The following MYO5B variants were observed in gnomAD, a reference collection of about 807,000 sequenced individuals.
The protein encoded by MYO5B is myosin VB.
A neutral mutation model predicts 229.3 loss-of-function variants in MYO5B; 143 were observed. The ratio of observed to expected loss-of-function variants is 0.62; its 90% CI spans 0.54 to 0.72. The LOEUF is 0.72. Ranked by LOEUF, MYO5B falls within the 30% of genes least tolerant of loss-of-function variation. The pLI is 0.00. For synonymous variants in MYO5B, 918 were observed against 885.2 expected (o/e 1.04, Z -0.66); for missense variants, 2,321 against 2,331.0 (o/e 1.00, Z 0.09).
intron 7 of MYO5B, 131 bp from the exon 8 acceptor site, chr18:49,984,956 T>G: frequency 1.4e-6 from 1 of 718,502 alleles, no homozygotes. Flanking sequence ...GATGTGAAAC[T>G]CTTTAAAATA....
chr18:49,959,938 A>G (rs2025538855), intron 12 of MYO5B, among the ~76,000 whole-genome samples: 1 of 152,056 alleles, frequency 6.6e-6, no homozygotes, highest in South Asian at 2.1e-4. Context: ...CGGAGGAACA[A>G]TTTTAGTCTG....
chr18:50,136,364 CTTTTTT>C (rs11426659), intron 1 of MYO5B, among the ~76,000 whole-genome samples: 2 of 131,782 alleles, frequency 1.5e-5, no homozygotes, highest in Admixed American at 7.8e-5. Flanking sequence ...TTTTTTTTTA[CTTTTTT>C]TTTTTTTTTT....
intron 10 of MYO5B, among the ~76,000 whole-genome samples, chr18:49,973,129 C>T (rs1361123990): frequency 6.6e-6 from 1 of 152,170 alleles, no homozygotes; most frequent in East Asian, 1.9e-4. Context: ...ATAGACCCTT[C>T]CACAATTTCT....
chr18:49,883,960 C>G (rs1273997118), intron 22 of MYO5B, among the ~76,000 whole-genome samples: 3 of 152,102 alleles, frequency 2.0e-5, no homozygotes, highest in Non-Finnish European at 4.4e-5. Flanking sequence ...AAAATTAACT[C>G]AAAATGCATT....
At chr18:49,951,793 G>C (rs912275887) in intron 14 of MYO5B, among the ~76,000 whole-genome samples, 21 of 152,154 alleles carry the variant, frequency 1.4e-4, no homozygotes, top group African/African-American at 5.1e-4. Flanking sequence ...TCCAGGCATC[G>C]TAAGAGACCA....
chr18:50,193,378 A>C (rs1440163566), intron 1 of MYO5B, among the ~76,000 whole-genome samples: 2 of 152,178 alleles, frequency 1.3e-5, no homozygotes, highest in Non-Finnish European at 1.5e-5. Flanking sequence ...CCCCACCCCC[A>C]GCCAGGTGAC....
At chr18:50,131,225 C>T (rs1403407937) in intron 1 of MYO5B, among the ~76,000 whole-genome samples, 4 of 152,214 alleles carry the variant, frequency 2.6e-5, no homozygotes, top group African/African-American at 9.7e-5. Context: ...GAAAGGGAGT[C>T]CTAATTTGAA....
At chr18:50,082,571 T>G (rs1037238849) in intron 1 of MYO5B, among the ~76,000 whole-genome samples, 2 of 152,240 alleles carry the variant, frequency 1.3e-5, no homozygotes, top group Non-Finnish European at 2.9e-5. Context: ...GTCATCAACA[T>G]ACTGTGAGAC....
intron 2 of MYO5B, among the ~76,000 whole-genome samples, chr18:50,047,578 T>A (rs1214045868): frequency 6.6e-6 from 1 of 152,172 alleles, no homozygotes; most frequent in Non-Finnish European, 1.5e-5. Context: ...GATACAGCCA[T>A]CCCATTACTG....
intron 7 of MYO5B, among the ~76,000 whole-genome samples, chr18:49,988,345 G>A (rs767933220): frequency 2.0e-5 from 3 of 152,154 alleles, no homozygotes; most frequent in Admixed American, 6.5e-5. Flanking sequence ...GAGCACAAGC[G>A]CTTGTCAAAG....
chr18:50,045,130 G>C (rs988651297), intron 2 of MYO5B, among the ~76,000 whole-genome samples: 2 of 152,178 alleles, frequency 1.3e-5, no homozygotes, highest in Non-Finnish European at 2.9e-5. Context: ...AGAGTCAACA[G>C]AACTCAGTTT....
chr18:49,879,028 A>T lies in MYO5B; in HGVS notation c.3193T>A (p.Ser1065Thr), dbSNP rs760646336. 6.7e-5 allele frequency: 108 copies of T among 1,607,180 alleles called. No homozygotes were observed. The highest frequency in any genetic ancestry group is 8.8e-5 in the Non-Finnish European group (104 of 1,178,474). ...TCCTTCACAAGGTTCTGGTACCGGG[A>T]TCGCTCCTCCTCCAGTTCTTTCTTC... Reference protein sequence around the residue: ...LMKKELEEERSRYQNLVKEYS... With the variant: ...LMKKELEEERTRYQNLVKEYS... The change falls in exon 24 of 40, where the codon TCC becomes ACC. Residue 1065 changes from serine (S) to threonine (T), a missense_variant. This residue lies in a region of MYO5B where 2,113 missense variants were observed against 2,044.7 expected (regional missense o/e 1.03). Transcript: ENST00000285039.
At chr18:50,062,305 T>C (rs1031804443) in intron 1 of MYO5B, among the ~76,000 whole-genome samples, 5 of 152,182 alleles carry the variant, frequency 3.3e-5, no homozygotes, top group African/African-American at 9.7e-5. Context: ...TGGGCAGAGT[T>C]CCCTGGGAAT....
intron 4 of MYO5B, among the ~76,000 whole-genome samples, chr18:50,030,073 T>A (rs1444063589): frequency 2.0e-5 from 3 of 152,208 alleles, no homozygotes; most frequent in Non-Finnish European, 4.4e-5. Flanking sequence ...AAGATTTAGG[T>A]CACCTCTGTA....
intron 39 of MYO5B, among the ~76,000 whole-genome samples, chr18:49,832,841 C>T (rs1239471785): frequency 6.6e-6 from 1 of 152,188 alleles, no homozygotes; most frequent in African/African-American, 2.4e-5. Flanking sequence ...ACTAGCCTCA[C>T]TAATTCAAGG....
rs781099642 is a variant in MYO5B at position 49,894,987 on chromosome 18, T to C, written c.2999A>G (p.Lys1000Arg). 2 of 1,613,788 alleles carry C rather than the reference T, an allele frequency of 1.2e-6. No individual in the cohort carries two copies. The highest frequency in any genetic ancestry group is 1.7e-6 in the Non-Finnish European group (2 of 1,180,036). Residue 1000 changes from lysine (K) to arginine (R), a missense_variant, in exon 22 of 40, where the codon AAG becomes AGG. This residue lies in a region of MYO5B where 2,113 missense variants were observed against 2,044.7 expected (regional missense o/e 1.03). Transcript: ENST00000285039. ...TELQRAHSER[K>R]ILEDAHSREK... Reference sequence around the variant, plus strand: ...CCTGCTGTGGGCGTCCTCCAAGATCTTGCGCTCCGAGTGGGCCCTCTGCAG... The same window carrying C: ...CCTGCTGTGGGCGTCCTCCAAGATCCTGCGCTCCGAGTGGGCCCTCTGCAG...
intron 22 of MYO5B, among the ~76,000 whole-genome samples, chr18:49,893,156 G>A (rs1354218884): frequency 6.6e-6 from 1 of 152,206 alleles, no homozygotes; most frequent in Non-Finnish European, 1.5e-5. Flanking sequence ...CAGGAAGCAG[G>A]GACGCGGGGC....
In MYO5B at chr18:49,847,268, C is replaced by T. The variant is rs1192238746; in HGVS notation, c.4337G>A (p.Ser1446Asn). 4 of 1,613,756 alleles carry T rather than the reference C, an allele frequency of 2.5e-6. No individual in the cohort carries two copies. The East Asian group carries it at 8.9e-5, about 36-fold the overall frequency. The change falls in exon 33 of 40, where the codon AGT becomes AAT. Residue 1446 changes from serine (S) to asparagine (N), a missense_variant. Around this residue, in one of 2 missense-constraint regions of MYO5B, gnomAD observed 2,113 missense variants for 2,044.7 expected, o/e 1.03. Transcript: ENST00000285039. ...GTTGAGCTCATGGCGCTTCCTCTCA[C>T]TCTGGGCCAATGCCTGGGCAGCTGA... ...DLEAAQALAQSERKRHELNRQ... is the reference protein window; with the variant it reads ...DLEAAQALAQNERKRHELNRQ...
intron 39 of MYO5B, among the ~76,000 whole-genome samples, chr18:49,835,089 A>G (rs2023971718): frequency 6.6e-6 from 1 of 152,232 alleles, no homozygotes; most frequent in Non-Finnish European, 1.5e-5. Flanking sequence ...GTGGCAAATG[A>G]CATAATGCTT....
Sources: allele counts gnomAD v4.1 joint callset (sites outside exome capture counted in the v4.1 genomes callset), GRCh38; gene constraint gnomAD v4.1.1; regional missense constraint gnomAD v4.1.1; transcripts MANE v1.5; gene names NCBI Gene and HGNC (gene_info 2026-07-23, HGNC 2026-07-21).